Variants in AGBL1 observed in about 807,000 individuals in gnomAD.
AGBL1 encodes the protein AGBL carboxypeptidase 1.
A neutral mutation model predicts 118.9 loss-of-function variants in AGBL1; 130 were observed. The ratio of observed to expected loss-of-function variants is 1.09; its 90% CI spans 0.95 to 1.26. The LOEUF (loss-of-function observed/expected upper bound fraction) is 1.26, where lower values mean the gene tolerates loss of function less well. Ranked by LOEUF, AGBL1 falls within the 50% of genes most tolerant of loss-of-function variation. AGBL1 has a pLI of 0.00. For synonymous variants in AGBL1, 555 were observed against 478.9 expected, an observed-to-expected ratio of 1.16 and a Z score of -2.08; for missense variants, 1,584 against 1,298.1, an observed-to-expected ratio of 1.22 and a Z score of -3.38.
intron 22 of AGBL1, among the ~76,000 whole-genome samples, chr15:86,830,323 T>C (rs1389758680): frequency 1.3e-5 from 2 of 152,166 alleles, no homozygotes; most frequent in Non-Finnish European, 2.9e-5. Flanking sequence ...CTAATCTAAC[T>C]TCTATCACCA....
chr15:86,577,287 C>T (rs2084105480), intron 21 of AGBL1, among the ~76,000 whole-genome samples: 1 of 152,012 alleles, frequency 6.6e-6, no homozygotes. Context: ...GCATTTTTCC[C>T]CTGCCCTAGT....
rs1307614118 is a variant in AGBL1 at position 86,827,380 on chromosome 15, T to C, written c.3159-79707T>C. ...ATATATATGTGTGTGTATATATATA[T>C]ATACACATATATATATACATATATA... is the stretch of plus-strand genomic sequence containing the variant. On this transcript the variant is annotated intron_variant, in intron 22 of 22. Transcript: ENST00000614907. 8.7e-3 allele frequency among the ~76,000 whole-genome samples: 85 copies of C among 9,724 alleles called. 12 individuals carry two copies. The highest frequency in any genetic ancestry group is 0.067 in the African/African-American group (79 of 1,178). 6.4% of individuals were successfully genotyped at this position (9,724 alleles called of 152,430 possible). A position where few individuals can be genotyped will look rare whatever the true frequency, so the allele number is the denominator to read the frequency against.
chr15:86,142,751 G>A (rs1162090342), intron 2 of AGBL1, among the ~76,000 whole-genome samples: 3 of 152,196 alleles, frequency 2.0e-5, no homozygotes, highest in African/African-American at 7.2e-5. Context: ...CTGGCAGGAT[G>A]ACTTACATTT....
intron 6 of AGBL1, among the ~76,000 whole-genome samples, chr15:86,233,031 T>A (rs560361646): frequency 6.6e-6 from 1 of 152,340 alleles, no homozygotes; most frequent in Admixed American, 6.5e-5. Context: ...TGTAATATTA[T>A]GATCCCCATT....
intron 20 of AGBL1, among the ~76,000 whole-genome samples, chr15:86,548,349 T>TCAG (rs2083614664): frequency 6.6e-6 from 1 of 152,196 alleles, no homozygotes; most frequent in African/African-American, 2.4e-5. Context: ...CAACATTTAT[T>TCAG]CAGTTTTATT....
At chr15:86,109,959 A>G (rs1372836338) in intron 1 of AGBL1, 1 of 152,140 alleles carries the variant, frequency 6.6e-6, no homozygotes, top group Non-Finnish European at 1.5e-5. Context: ...ACCCAAGCTA[A>G]ATAGATCCTC....
intron 14 of AGBL1, among the ~76,000 whole-genome samples, chr15:86,271,017 A>T (rs2079151714): frequency 6.9e-6 from 1 of 144,656 alleles, no homozygotes; most frequent in African/African-American, 2.6e-5. Flanking sequence ...GCATCTTGAA[A>T]TCTCTCTCTG....
chr15:86,857,702 C>T (rs1170762368), intron 22 of AGBL1, among the ~76,000 whole-genome samples: 1 of 152,168 alleles, frequency 6.6e-6, no homozygotes. Flanking sequence ...TGGCTCCGTA[C>T]TAGGCTCTGA....
At chr15:86,830,267 A>G (rs2079085460) in intron 22 of AGBL1, among the ~76,000 whole-genome samples, 1 of 152,294 alleles carries the variant, frequency 6.6e-6, no homozygotes, top group African/African-American at 2.4e-5. Flanking sequence ...TTAGGACTTC[A>G]GAAATCTTTA....
At chr15:86,656,231 C>T (rs960012150) in intron 21 of AGBL1, among the ~76,000 whole-genome samples, 1 of 152,168 alleles carries the variant, frequency 6.6e-6, no homozygotes, top group Non-Finnish European at 1.5e-5. Context: ...ACCATCTTAA[C>T]AAGTGGCAGA....
rs759097792 is a variant in AGBL1, at chr15:86,264,846, C to A, written c.1667+8C>A. Reference sequence around the variant, plus strand: ...AAAATGTGGAGTCCAAAGGTGATGGCGCTACTGACTTGGGAGCTCTTTTTT... The same window carrying A: ...AAAATGTGGAGTCCAAAGGTGATGGAGCTACTGACTTGGGAGCTCTTTTTT... On this transcript the variant is annotated splice_region_variant and intron_variant, in intron 11 of 22. Transcript: ENST00000614907. 4 of 1,570,870 alleles carry A rather than the reference C, an allele frequency of 2.5e-6. No individual in the cohort carries two copies. Among genetic ancestry groups the A allele is most frequent in the Admixed American group, 4.0e-5 (2 of 49,598 alleles).
intron 23 of AGBL1, among the ~76,000 whole-genome samples, chr15:86,947,901 CT>C (rs1193984749): frequency 6.6e-6 from 1 of 152,066 alleles, no homozygotes; most frequent in East Asian, 1.9e-4. Context: ...CTGCTATCTG[CT>C]ATACTGGTGA....
chr15:86,680,425 A>G (rs919485819), intron 22 of AGBL1, among the ~76,000 whole-genome samples: 19 of 152,038 alleles, frequency 1.2e-4, no homozygotes, highest in African/African-American at 4.3e-4. Context: ...TAGAGATTTT[A>G]TGGGTAACAC....
At chr15:86,197,200 G>C (rs1404457666) in intron 5 of AGBL1, among the ~76,000 whole-genome samples, 1 of 152,266 alleles carries the variant, frequency 6.6e-6, no homozygotes, top group African/African-American at 2.4e-5. Flanking sequence ...GGAGTTTTGA[G>C]GTGCATGCCA....
At chr15:86,740,826 G>A (rs192216503) in intron 22 of AGBL1, among the ~76,000 whole-genome samples, 1 of 152,238 alleles carries the variant, frequency 6.6e-6, no homozygotes. Context: ...GGTATTTTGT[G>A]AATTCCAGTT....
intron 1 of AGBL1, among the ~76,000 whole-genome samples, chr15:86,137,288 G>A (rs1010771376): frequency 2.0e-5 from 3 of 152,158 alleles, no homozygotes; most frequent in African/African-American, 7.2e-5. Flanking sequence ...AGTTTCCATG[G>A]GGTGGCAGGA....
At chr15:86,279,879 T>C in intron 16 of AGBL1, 96 bp downstream of exon 16, 5 of 1,468,456 alleles carry the variant, frequency 3.4e-6, no homozygotes, top group Non-Finnish European at 4.7e-6. Context: ...CCTGATGGGG[T>C]GCAGAGGGGA....
intron 19 of AGBL1, among the ~76,000 whole-genome samples, chr15:86,545,689 T>C (rs2083570319): frequency 6.6e-6 from 1 of 152,154 alleles, no homozygotes; most frequent in African/African-American, 2.4e-5. Context: ...GCTTTGCCCA[T>C]TCCTCCTACC....
At chr15:86,954,914 G>T (rs1008360336) in intron 23 of AGBL1, among the ~76,000 whole-genome samples, 2 of 152,098 alleles carry the variant, frequency 1.3e-5, no homozygotes, top group African/African-American at 2.4e-5. Flanking sequence ...ATGATAACTT[G>T]TGTTATTACA....
Sources: allele counts gnomAD v4.1 joint callset (sites outside exome capture counted in the v4.1 genomes callset), GRCh38; gene constraint gnomAD v4.1.1; transcripts MANE v1.5; gene names NCBI Gene and HGNC (gene_info 2026-07-23, HGNC 2026-07-21).